PRKCA: variants seen among roughly 807,000 people sequenced by gnomAD.
PRKCA encodes protein kinase C alpha, also known as protein kinase C alpha type.
Under a neutral mutation model 87.0 loss-of-function variants are expected in PRKCA, and 27 were observed. The ratio of observed to expected loss-of-function variants is 0.31; its 90% CI spans 0.23 to 0.43. PRKCA has a LOEUF of 0.43. PRKCA is among the 20% of genes least tolerant of loss of function. PRKCA has a pLI of 1.00. For synonymous variants in PRKCA, 329 were observed against 311.1 expected (o/e 1.06, Z -0.61); for missense variants, 518 against 852.3 (o/e 0.61, Z 4.88).
chr17:66,449,769 T>G (rs1005413820), intron 2 of PRKCA, among the ~76,000 whole-genome samples: 1 of 152,092 alleles, frequency 6.6e-6, no homozygotes, highest in Admixed American at 6.5e-5. Context: ...GCAGCGCCTG[T>G]GTAAAGGTGG....
At position 66,384,909 on chromosome 17, in the gene PRKCA, T is replaced by C. The variant is rs549732718; in HGVS notation, c.205+78782T>C. 2.0e-4 allele frequency among the ~76,000 whole-genome samples: 31 copies of C among 152,294 alleles called. No individual in the cohort carries two copies. In the East Asian group the frequency reaches 5.0e-3, roughly 25 times the overall value. ...CCTCCCAAAGTGCTGGGATTACAGG[T>C]GTGAGCCACTGCACCTGGCTGACTG... On this transcript the variant is annotated intron_variant, in intron 2 of 16. Transcript: ENST00000413366.
chr17:66,495,241 T>C (rs1916420978), intron 2 of PRKCA, among the ~76,000 whole-genome samples: 1 of 152,168 alleles, frequency 6.6e-6, no homozygotes, highest in African/African-American at 2.4e-5. Context: ...TTGCAGGAAC[T>C]CTCCCAACTG....
At chr17:66,578,168 AT>A (rs1969301349) in intron 3 of PRKCA, among the ~76,000 whole-genome samples, 1 of 150,980 alleles carries the variant, frequency 6.6e-6, no homozygotes, top group South Asian at 2.1e-4. Context: ...AACAGCCCTC[AT>A]TGTCTCCCTT....
At chr17:66,769,160 C>G (rs1190235004) in intron 13 of PRKCA, among the ~76,000 whole-genome samples, 1 of 152,036 alleles carries the variant, frequency 6.6e-6, no homozygotes, top group Non-Finnish European at 1.5e-5. Context: ...AATCCCAACA[C>G]ACCTATGCAA....
intron 8 of PRKCA, among the ~76,000 whole-genome samples, chr17:66,716,857 GAATT>G (rs1183801678): frequency 6.6e-6 from 1 of 152,190 alleles, no homozygotes; most frequent in African/African-American, 2.4e-5. Flanking sequence ...CGCTGCCTGT[GAATT>G]TATTTTAACC....
At chr17:66,338,088 G>A (rs542092404) in intron 2 of PRKCA, among the ~76,000 whole-genome samples, 15 of 150,142 alleles carry the variant, frequency 1.0e-4, no homozygotes, top group African/African-American at 2.2e-4. Flanking sequence ...TTCCTCTAGC[G>A]GTTCTTGCTG....
Position 66,809,234 on chromosome 17 carries a change from C to T in PRKCA, c.*5197C>T, listed in dbSNP as rs140965333. On this transcript the variant is annotated 3_prime_UTR_variant, in exon 17 of 17. Coordinates refer to ENST00000413366, the MANE Select transcript of PRKCA (RefSeq NM_002737.3). ...GGGTCAACCACAATTGTGTTAATTCCGTAGTGTCAGGGATTCTTCGGGAAG... is the reference window on the plus strand; with the variant it reads ...GGGTCAACCACAATTGTGTTAATTCTGTAGTGTCAGGGATTCTTCGGGAAG... 6.6e-6 allele frequency: 1 copy of T among 152,460 alleles called. No homozygotes were observed. The highest frequency in any genetic ancestry group is 6.5e-5 in the Admixed American group (1 of 15,284). 9.4% of individuals were successfully genotyped at this position (152,460 alleles called of 1,614,324 possible).
intron 2 of PRKCA, among the ~76,000 whole-genome samples, chr17:66,379,775 A>C (rs1909680799): frequency 6.6e-6 from 1 of 152,198 alleles, no homozygotes; most frequent in Admixed American, 6.5e-5. Context: ...TTTTGGCGTC[A>C]TAGCCAAGAA....
At chr17:66,394,785 T>G in intron 2 of PRKCA, among the ~76,000 whole-genome samples, 1 of 152,100 alleles carries the variant, frequency 6.6e-6, no homozygotes, top group East Asian at 1.9e-4. Flanking sequence ...ATCTGATGGT[T>G]CTATATAAGG....
intron 4 of PRKCA, among the ~76,000 whole-genome samples, chr17:66,644,124 G>T (rs1000105054): frequency 1.3e-5 from 2 of 152,146 alleles, no homozygotes; most frequent in Non-Finnish European, 2.9e-5. Flanking sequence ...CTTTATATTG[G>T]CTAAATTCGA....
intron 2 of PRKCA, among the ~76,000 whole-genome samples, chr17:66,315,642 G>T (rs1905278778): frequency 6.6e-6 from 1 of 152,088 alleles, no homozygotes; most frequent in Non-Finnish European, 1.5e-5. Flanking sequence ...ATGATGCCCG[G>T]CTAATTTTTG....
At chr17:66,413,929 G>T (rs1336366419) in intron 2 of PRKCA, among the ~76,000 whole-genome samples, 1 of 151,304 alleles carries the variant, frequency 6.6e-6, no homozygotes, top group Non-Finnish European at 1.5e-5. Context: ...CAGGAGAATC[G>T]CTTGAACCAG....
At chr17:66,510,286 A>C (rs1917167255) in intron 3 of PRKCA, among the ~76,000 whole-genome samples, 1 of 152,124 alleles carries the variant, frequency 6.6e-6, no homozygotes, top group Non-Finnish European at 1.5e-5. Context: ...CGGGGGGAAA[A>C]GGTTTTTTGT....
At chr17:66,755,190 C>G (rs1346178617) in intron 13 of PRKCA, among the ~76,000 whole-genome samples, 1 of 152,188 alleles carries the variant, frequency 6.6e-6, no homozygotes, top group Non-Finnish European at 1.5e-5. Context: ...CACCACCTGA[C>G]CCAGTATTGT....
chr17:66,344,157 G>A (rs557319163), intron 2 of PRKCA, among the ~76,000 whole-genome samples: 24 of 152,090 alleles, frequency 1.6e-4, no homozygotes, highest in Non-Finnish European at 3.1e-4. Flanking sequence ...GAACAGTATC[G>A]ATGAATGGAA....
chr17:66,335,232 A>G (rs1387255079), intron 2 of PRKCA, among the ~76,000 whole-genome samples: 1 of 152,096 alleles, frequency 6.6e-6, no homozygotes, highest in African/African-American at 2.4e-5. Context: ...GGCTCAAGCC[A>G]TCCTCCCGTC....
intron 3 of PRKCA, among the ~76,000 whole-genome samples, chr17:66,617,027 C>T (rs1460949652): frequency 6.6e-6 from 1 of 152,032 alleles, no homozygotes; most frequent in Non-Finnish European, 1.5e-5. Flanking sequence ...GTTTATAATT[C>T]TGATTAACAC....
At chr17:66,716,836 G>A (rs1973488639) in intron 8 of PRKCA, among the ~76,000 whole-genome samples, 3 of 152,334 alleles carry the variant, frequency 2.0e-5, no homozygotes, top group African/African-American at 4.8e-5. Flanking sequence ...CCATGACAAC[G>A]GAGGCCCTCT....
chr17:66,370,781 C>T (rs1411513075), intron 2 of PRKCA, among the ~76,000 whole-genome samples: 1 of 152,032 alleles, frequency 6.6e-6, no homozygotes, highest in African/African-American at 2.4e-5. Flanking sequence ...AACTCCTGGA[C>T]TCAAGCGATC....
Sources: gnomAD v4.1 joint callset for allele counts (sites outside exome capture counted in the v4.1 genomes callset) on GRCh38, gnomAD v4.1.1 for gene constraint, MANE v1.5 for transcripts, NCBI Gene and HGNC (gene_info 2026-07-23, HGNC 2026-07-21) for gene names.